COL14A1: variants seen among roughly 807,000 people sequenced by gnomAD.
COL14A1 encodes collagen type XIV alpha 1 chain.
COL14A1 carries 136 observed loss-of-function variants against 230.3 expected under a neutral mutation model. The ratio of observed to expected loss-of-function variants is 0.59; its 90% CI spans 0.51 to 0.68. The LOEUF (loss-of-function observed/expected upper bound fraction) is 0.68, where lower values mean the gene tolerates loss of function less well. Among genes scored for constraint, COL14A1 ranks in the 30% least tolerant of loss-of-function variants. The pLI, the probability that COL14A1 is intolerant of heterozygous loss-of-function variation, is 0.00. For missense variants in COL14A1, 1,976 were observed against 2,215.8 expected (o/e 0.89, Z 2.17); for synonymous variants, 792 against 784.1 (o/e 1.01, Z -0.17).
At chr8:120,281,937 T>C (rs889497756) in intron 31 of COL14A1, among the ~76,000 whole-genome samples, 4 of 152,224 alleles carry the variant, frequency 2.6e-5, no homozygotes, top group African/African-American at 9.6e-5. Flanking sequence ...AGCTACTTTA[T>C]AGACACATTT....
In COL14A1 at chr8:120,371,140, T is replaced by G. The variant is rs143741482; in HGVS notation, c.5312-12T>G. ...GGTGCAGCAAGTCCCCACCCCCACT[T>G]TTCCTCTTTAGCTCCCCATCCAGAT... is the stretch of plus-strand genomic sequence containing the variant. On this transcript the variant is annotated splice_polypyrimidine_tract_variant and intron_variant, in intron 47 of 47. Transcript: ENST00000297848. 1 of 1,596,470 alleles carries G rather than the reference T, an allele frequency of 6.3e-7. No homozygotes were observed. Among genetic ancestry groups the G allele is most frequent in the Admixed American group, 1.8e-5 (1 of 55,156 alleles).
Position 120,168,195 on chromosome 8 carries a change from C to G in COL14A1, c.384C>G (p.Pro128=). The change falls in exon 5 of 48, where the codon CCC becomes CCG. Residue 128 remains proline (P), a synonymous_variant. Transcript: ENST00000297848. ...TAGAAAAAAGAAAGGATCCAAAGCC[C>G]AGAGTCAAAGTTGTGGACAGAGGAA... ...KDLEKRKDPK[P]RVKVVDRGNG... 2 of 1,612,738 alleles carry G rather than the reference C, an allele frequency of 1.2e-6. No individual in the cohort carries two copies. The highest frequency in any genetic ancestry group is 1.7e-6 in the Non-Finnish European group (2 of 1,179,220).
At chr8:120,240,945 A>T (rs1818590328) in intron 19 of COL14A1, among the ~76,000 whole-genome samples, 1 of 152,164 alleles carries the variant, frequency 6.6e-6, no homozygotes, top group Non-Finnish European at 1.5e-5. Context: ...TGGCAATGAC[A>T]TTGCCATACA....
chr8:120,194,858 C>T (rs1816972063), intron 5 of COL14A1, among the ~76,000 whole-genome samples: 1 of 152,068 alleles, frequency 6.6e-6, no homozygotes, highest in Non-Finnish European at 1.5e-5. Context: ...TTCAATTTTC[C>T]CTGGTTATGT....
intron 12 of COL14A1, among the ~76,000 whole-genome samples, chr8:120,210,796 C>CA (rs1248465550): frequency 1.3e-5 from 2 of 151,760 alleles, no homozygotes; most frequent in East Asian, 1.9e-4. Flanking sequence ...TCTTTAGGGT[C>CA]AAAAAAATGG....
chr8:120,286,022 A>G, intron 33 of COL14A1, 52 bp downstream of exon 33: 1 of 1,085,672 alleles, frequency 9.2e-7, no homozygotes, highest in Non-Finnish European at 1.4e-6. Flanking sequence ...CTATTGAACA[A>G]AGCCATTTAA....
intron 2 of COL14A1, among the ~76,000 whole-genome samples, chr8:120,149,820 A>G (rs1340373322): frequency 6.6e-6 from 1 of 151,404 alleles, no homozygotes; most frequent in Non-Finnish European, 1.5e-5. Context: ...CTAGCCTCCC[A>G]AGTTGCTGGG....
chr8:120,281,044 T>C lies in COL14A1; in HGVS notation c.3809T>C (p.Val1270Ala), dbSNP rs965607653. The C allele has an allele frequency of 3.1e-6, 5 of 1,609,902 alleles. No homozygotes were observed. The highest frequency in any genetic ancestry group is 4.2e-6 in the Non-Finnish European group (5 of 1,178,504). ...PCYQLHKDAL[V>A]SQPTRYLHPE... ...TACCAACTCCATAAAGATGCCCTGG[T>C]TTCCCAGCCAACCAGGTATGTTTCT... The change falls in exon 31 of 48, where the codon GTT (valine) becomes GCT (alanine). Residue 1270 changes from valine to alanine, a missense_variant. Physicochemically the swap from Val to Ala is moderately conservative, Grantham distance 64 (BLOSUM62 0). This residue lies in a region of COL14A1 where 1,791 missense variants were observed against 2,019.5 expected (regional missense o/e 0.89). Coordinates refer to ENST00000297848, the MANE Select transcript of COL14A1 (RefSeq NM_021110.4).
At chr8:120,131,186 G>A (rs768255666) in intron 1 of COL14A1, among the ~76,000 whole-genome samples, 1 of 152,164 alleles carries the variant, frequency 6.6e-6, no homozygotes, top group Non-Finnish European at 1.5e-5. Flanking sequence ...ACATAGGAGT[G>A]CATGTGTCTT....
intron 1 of COL14A1, among the ~76,000 whole-genome samples, chr8:120,134,976 C>T (rs1390967581): frequency 3.9e-5 from 6 of 151,968 alleles, no homozygotes; most frequent in Non-Finnish European, 8.8e-5. Context: ...GAGATTCCAT[C>T]ACAAAAAACA....
intron 24 of COL14A1, among the ~76,000 whole-genome samples, chr8:120,264,697 G>C (rs1563704898): frequency 6.6e-6 from 1 of 152,088 alleles, no homozygotes; most frequent in Non-Finnish European, 1.5e-5. Context: ...TTTTTGAAAA[G>C]TCAGAATATC....
intron 47 of COL14A1, among the ~76,000 whole-genome samples, chr8:120,369,717 TAA>T (rs1823524137): frequency 6.6e-6 from 1 of 152,222 alleles, no homozygotes; most frequent in Non-Finnish European, 1.5e-5. Flanking sequence ...ACAGCACATC[TAA>T]GTCTTCCTTG....
intron 19 of COL14A1, among the ~76,000 whole-genome samples, chr8:120,236,443 C>CTT (rs200472631): frequency 6.9e-5 from 10 of 144,358 alleles, no homozygotes; most frequent in East Asian, 4.0e-4. Context: ...GCAACCCCTG[C>CTT]TTTTTTTTTT....
intron 17 of COL14A1, 149 bp from the exon 18 acceptor site, chr8:120,228,561 T>G: frequency 1.7e-6 from 1 of 600,974 alleles, no homozygotes; most frequent in Non-Finnish European, 3.0e-6. Flanking sequence ...TTACTTACAA[T>G]TCATTTCTTT....
chr8:120,197,831 G>C lies in COL14A1; in HGVS notation c.613G>C (p.Asp205His), dbSNP rs371308409. 1 of 1,613,476 alleles carries C rather than the reference G, an allele frequency of 6.2e-7. No homozygotes were observed. The highest frequency in any genetic ancestry group is 1.1e-5 in the South Asian group (1 of 91,038). The change falls in exon 7 of 48, where the codon GAC becomes CAC. Residue 205 changes from aspartate (D) to histidine (H), a missense_variant. By Grantham distance (81) the Asp-to-His change is moderately conservative. Around this residue, in one of 3 missense-constraint regions of COL14A1, gnomAD observed 1,791 missense variants for 2,019.5 expected, o/e 0.89. Coordinates refer to ENST00000297848, the MANE Select transcript of COL14A1 (RefSeq NM_021110.4). ...TCCAGGTCTTGCACAGTATAGTGGT[G>C]ACCCCAGAATAGAATGGCACTTGAA... ...TRIGLAQYSG[D>H]PRIEWHLNAF...
chr8:120,330,958 A>T (rs1047065539), intron 40 of COL14A1, among the ~76,000 whole-genome samples: 1 of 152,090 alleles, frequency 6.6e-6, no homozygotes, highest in African/African-American at 2.4e-5. Context: ...ATACGAAATT[A>T]GCCAGTCGTG....
In COL14A1 at chr8:120,252,798, C is replaced by T. The variant is rs1039417834; in HGVS notation, c.2752+2032C>T. Among the ~76,000 whole-genome samples, 6 of 152,246 alleles carry T rather than the reference C, an allele frequency of 3.9e-5. No individual in the cohort carries two copies. The South Asian group carries it at 1.2e-3, about 32-fold the overall frequency. On this transcript the variant is annotated intron_variant, in intron 22 of 47. Coordinates refer to ENST00000297848, the MANE Select transcript of COL14A1 (RefSeq NM_021110.4). ...CCCTCATCCCTAAAAAATAATTAAT[C>T]TAATCAATACTGTCAAGCAAGAGTG... is the stretch of plus-strand genomic sequence containing the variant.
chr8:120,152,925 CTG>C (rs1204071206), intron 2 of COL14A1, among the ~76,000 whole-genome samples: 17 of 152,190 alleles, frequency 1.1e-4, no homozygotes, highest in African/African-American at 3.9e-4. Context: ...ATAAAGACCT[CTG>C]TGTTCACACG....
At chr8:120,263,346 G>A (rs1819399970) in intron 24 of COL14A1, among the ~76,000 whole-genome samples, 1 of 152,118 alleles carries the variant, frequency 6.6e-6, no homozygotes, top group African/African-American at 2.4e-5. Flanking sequence ...GCAGTTTGAG[G>A]ACGACTTGGC....
Sources: gnomAD v4.1 joint callset for allele counts (sites outside exome capture counted in the v4.1 genomes callset) on GRCh38, gnomAD v4.1.1 for gene constraint, gnomAD v4.1.1 regional missense constraint, MANE v1.5 for transcripts, NCBI Gene and HGNC (gene_info 2026-07-23, HGNC 2026-07-21) for gene names.